LINGO2: variants seen among roughly 807,000 people sequenced by gnomAD.
The protein encoded by LINGO2 is leucine rich repeat and Ig domain containing 2, also known as leucine-rich repeat and immunoglobulin-like domain-containing nogo receptor-interacting protein 2.
A neutral mutation model predicts 30.6 loss-of-function variants in LINGO2; 14 were observed. The observed-to-expected ratio is 0.46, with a 90% confidence interval of 0.30 to 0.72. The LOEUF (loss-of-function observed/expected upper bound fraction) is 0.72. Among genes scored for constraint, LINGO2 ranks in the 30% least tolerant of loss-of-function variants. LINGO2 has a pLI of 0.07. For synonymous variants in LINGO2, 317 were observed against 288.5 expected (o/e 1.10, Z -1.00); for missense variants, 729 against 751.7 (o/e 0.97, Z 0.35).
At chr9:28,291,318 A>C (rs558247434) in intron 4 of LINGO2, among the ~76,000 whole-genome samples, 2 of 152,290 alleles carry the variant, frequency 1.3e-5, no homozygotes, top group East Asian at 3.9e-4. Context: ...TGAACAGAAA[A>C]AGAGCTGGGC....
At chr9:28,045,337 T>G (rs1375381498) in intron 4 of LINGO2, among the ~76,000 whole-genome samples, 1 of 152,332 alleles carries the variant, frequency 6.6e-6, no homozygotes, top group Non-Finnish European at 1.5e-5. Flanking sequence ...ATAGACAGAC[T>G]GCTTAAACTG....
At chr9:28,245,932 G>GAA (rs928354337) in intron 4 of LINGO2, among the ~76,000 whole-genome samples, 2 of 150,472 alleles carry the variant, frequency 1.3e-5, no homozygotes, top group African/African-American at 4.9e-5. Flanking sequence ...CACAGAATTA[G>GAA]AAAAAAAAAC....
the LINGO2 span, among the ~76,000 whole-genome samples, chr9:28,754,630 C>T: frequency 6.6e-6 from 1 of 151,106 alleles, no homozygotes; most frequent in Non-Finnish European, 1.5e-5. Flanking sequence ...TTATCTGTTT[C>T]TGTCCTTTTT....
the LINGO2 span, chr9:28,888,789 A>C: frequency 3.6e-4 from 176 of 495,400 alleles, no homozygotes; most frequent in Admixed American, 6.5e-4. Context: ...ACTTAAACTT[A>C]TACTCAGAAC....
At chr9:28,014,831 A>C (rs1006739679) in intron 4 of LINGO2, among the ~76,000 whole-genome samples, 1 of 152,170 alleles carries the variant, frequency 6.6e-6, no homozygotes, top group Non-Finnish European at 1.5e-5. Flanking sequence ...TGTACACCAA[A>C]AAAGTGACTA....
intron 1 of LINGO2, among the ~76,000 whole-genome samples, chr9:28,653,821 C>T (rs1419756593): frequency 6.6e-6 from 1 of 151,988 alleles, no homozygotes; most frequent in Non-Finnish European, 1.5e-5. Flanking sequence ...ATGACACACC[C>T]ATTTGTTAAA....
chr9:28,694,166 G>A, the LINGO2 span, among the ~76,000 whole-genome samples: 1 of 151,134 alleles, frequency 6.6e-6, no homozygotes, highest in African/African-American at 2.4e-5. Flanking sequence ...GTTTTATTAT[G>A]GACACATTTT....
chr9:29,149,436 A>C, the LINGO2 span, among the ~76,000 whole-genome samples: 4 of 151,626 alleles, frequency 2.6e-5, no homozygotes, highest in African/African-American at 9.7e-5. Context: ...CAGATATTTC[A>C]AGAGAAAACA....
chr9:28,308,178 G>C (rs7389392), intron 3 of LINGO2, among the ~76,000 whole-genome samples: 26,161 of 120,196 alleles, frequency 0.22, 5,245 homozygotes, highest in South Asian at 0.36. Flanking sequence ...TGACTTCAAA[G>C]TATACTACAA....
intron 1 of LINGO2, among the ~76,000 whole-genome samples, chr9:28,594,016 G>T (rs951436604): frequency 6.6e-6 from 1 of 151,486 alleles, no homozygotes; most frequent in African/African-American, 2.4e-5. Flanking sequence ...AAAAGAATAG[G>T]TAATAAAATC....
chr9:29,011,770 A>G, the LINGO2 span, among the ~76,000 whole-genome samples: 3 of 152,172 alleles, frequency 2.0e-5, no homozygotes, highest in Non-Finnish European at 4.4e-5. Context: ...TTTACTAGTC[A>G]TTAACCCCGA....
chr9:28,842,374 C>T, the LINGO2 span, among the ~76,000 whole-genome samples: 1 of 151,854 alleles, frequency 6.6e-6, no homozygotes, highest in Admixed American at 6.5e-5. Flanking sequence ...GTCTCTGTGC[C>T]TACAAACACT....
At chr9:27,945,609 G>A (rs1310873447), downstream of LINGO2, among the ~76,000 whole-genome samples, 3 of 152,144 alleles carry the variant, frequency 2.0e-5, no homozygotes, top group African/African-American at 7.2e-5. Flanking sequence ...AAATGACTCA[G>A]AGATGTCATA....
At chr9:28,295,756 T>A (rs553728192) in intron 3 of LINGO2, among the ~76,000 whole-genome samples, 1 of 152,222 alleles carries the variant, frequency 6.6e-6, no homozygotes, top group African/African-American at 2.4e-5. Context: ...TGGGATGCAA[T>A]AGGGCAAAAC....
At chr9:28,105,976 G>A (rs775904222) in intron 4 of LINGO2, among the ~76,000 whole-genome samples, 1 of 152,060 alleles carries the variant, frequency 6.6e-6, no homozygotes, top group Non-Finnish European at 1.5e-5. Context: ...GGAAGTGAGG[G>A]CTGGCTAGCA....
chr9:29,050,858 A>G, the LINGO2 span, among the ~76,000 whole-genome samples: 1 of 152,170 alleles, frequency 6.6e-6, no homozygotes, highest in Non-Finnish European at 1.5e-5. Context: ...AGTTGGAATC[A>G]GTGGTTCAAA....
At chr9:27,939,084 C>T in the LINGO2 span, 2 of 152,014 alleles carry the variant, frequency 1.3e-5, no homozygotes, top group Non-Finnish European at 2.9e-5. Context: ...ATTTGGAAAC[C>T]AACTCAAGAT....
chr9:28,706,886 AATGTTCCT>A, the LINGO2 span, among the ~76,000 whole-genome samples: 9 of 152,186 alleles, frequency 5.9e-5, no homozygotes, highest in African/African-American at 1.9e-4. Context: ...TTTGCTTGTA[AATGTTCCT>A]TTATCTAAAA....
intron 4 of LINGO2, among the ~76,000 whole-genome samples, chr9:28,093,133 T>A (rs1190229329): frequency 6.6e-6 from 1 of 152,090 alleles, no homozygotes; most frequent in Admixed American, 6.6e-5. Context: ...CAATGTGCGA[T>A]GTTGCCAGGG....
Sources: allele counts gnomAD v4.1 joint callset (sites outside exome capture counted in the v4.1 genomes callset), GRCh38; gene constraint gnomAD v4.1.1; transcripts MANE v1.5; gene names NCBI Gene and HGNC (gene_info 2026-07-23, HGNC 2026-07-21).